Variants in UNC79 observed in about 807,000 individuals in gnomAD.
UNC79 encodes the protein unc-79 subunit of NALCN channel complex.
In UNC79, 37 loss-of-function variants were observed where a neutral mutation model predicts 283.1. That is an observed-to-expected ratio of 0.13 (90% confidence interval 0.10 to 0.17). UNC79 has a LOEUF of 0.17. UNC79 is among the 10% of genes least tolerant of loss of function. The pLI, the probability that UNC79 is intolerant of heterozygous loss-of-function variation, is 1.00. For synonymous variants in UNC79, 1,107 were observed against 1,200.2 expected (o/e 0.92, Z 1.61); for missense variants, 2,272 against 3,211.1 (o/e 0.71, Z 7.07).
chr14:93,551,388 C>G (rs1484949456), intron 14 of UNC79, among the ~76,000 whole-genome samples: 1 of 152,078 alleles, frequency 6.6e-6, no homozygotes, highest in Non-Finnish European at 1.5e-5. Context: ...GAATTGACAT[C>G]GGCGGTAGAG....
chr14:93,438,663 C>CT (rs61646513), intron 1 of UNC79, among the ~76,000 whole-genome samples: 10,560 of 141,646 alleles, frequency 0.075, 1,145 homozygotes, highest in African/African-American at 0.23. Flanking sequence ...CTTTTACGTT[C>CT]TTTTTTTTTT....
At chr14:93,361,489 C>T (rs371153799) in intron 1 of UNC79, among the ~76,000 whole-genome samples, 12 of 143,710 alleles carry the variant, frequency 8.4e-5, no homozygotes, top group East Asian at 4.0e-4. Flanking sequence ...ACAGCCTGGG[C>T]GACACAGTGA....
At chr14:93,370,758 C>G (rs149662045) in intron 1 of UNC79, among the ~76,000 whole-genome samples, 1 of 151,706 alleles carries the variant, frequency 6.6e-6, no homozygotes, top group Non-Finnish European at 1.5e-5. Context: ...GGCTACAGAG[C>G]GAGACCCTGT....
intron 46 of UNC79, among the ~76,000 whole-genome samples, chr14:93,692,719 T>C (rs1488296930): frequency 1.3e-5 from 2 of 152,184 alleles, no homozygotes; most frequent in East Asian, 3.9e-4. Context: ...CCAGAGCTCA[T>C]TGGAAAATGT....
intron 1 of UNC79, among the ~76,000 whole-genome samples, chr14:93,344,393 G>C (rs931016182): frequency 6.6e-6 from 1 of 152,188 alleles, no homozygotes; most frequent in Non-Finnish European, 1.5e-5. Context: ...ATAAAGAGAG[G>C]CCCAGAACTC....
chr14:93,597,638 A>G, intron 24 of UNC79, 98 bp downstream of exon 24: 5 of 1,269,376 alleles, frequency 3.9e-6, no homozygotes, highest in East Asian at 5.0e-5. Context: ...TTGACCTGCT[A>G]TAACAGAATA....
At chr14:93,622,149 C>A in exon 30 of UNC79, 1 of 1,614,172 alleles carries the variant, frequency 6.2e-7, no homozygotes. Context: ...CCTCTTCCCC[C>A]TCTCAGAATA....
chr14:93,467,469 T>C (rs966150758), intron 1 of UNC79, among the ~76,000 whole-genome samples: 1 of 151,610 alleles, frequency 6.6e-6, no homozygotes, highest in African/African-American at 2.4e-5. Flanking sequence ...TAAAAGAAAT[T>C]AAAAGTTTTT....
chr14:93,466,730 A>G, intron 1 of UNC79: 1 of 466,050 alleles, frequency 2.1e-6, no homozygotes, highest in Non-Finnish European at 2.8e-6. Context: ...TCCCTTAAAG[A>G]TTGAAAGGAC....
At chr14:93,334,159 T>G (rs184235962) in intron 1 of UNC79, among the ~76,000 whole-genome samples, 1 of 152,392 alleles carries the variant, frequency 6.6e-6, no homozygotes, top group Admixed American at 6.5e-5. Context: ...TGACCCTCCA[T>G]TATTTTATGC....
At chr14:93,492,990 G>C (rs540758371) in intron 5 of UNC79, among the ~76,000 whole-genome samples, 1 of 152,230 alleles carries the variant, frequency 6.6e-6, no homozygotes, top group South Asian at 2.1e-4. Flanking sequence ...CGTATGGTCG[G>C]GTTGAGAGGC....
chr14:93,604,638 T>C, intron 26 of UNC79, among the ~76,000 whole-genome samples: 1 of 152,370 alleles, frequency 6.6e-6, no homozygotes. Flanking sequence ...AAGTTTAGAA[T>C]ATAAAGTATA....
intron 14 of UNC79, among the ~76,000 whole-genome samples, chr14:93,552,725 G>C: frequency 6.6e-6 from 1 of 152,028 alleles, no homozygotes; most frequent in East Asian, 1.9e-4. Context: ...GGCTTTGCTG[G>C]AACTTTGTTT....
chr14:93,396,374 A>G (rs2054997826), intron 1 of UNC79, among the ~76,000 whole-genome samples: 1 of 152,142 alleles, frequency 6.6e-6, no homozygotes, highest in South Asian at 2.1e-4. Flanking sequence ...TATATTTAAA[A>G]TAGATTATTG....
chr14:93,450,543 G>A (rs1393918455), intron 1 of UNC79, among the ~76,000 whole-genome samples: 3 of 152,122 alleles, frequency 2.0e-5, no homozygotes, highest in Non-Finnish European at 4.4e-5. Context: ...TTGATTTGTA[G>A]TTTGTCTGAA....
exon 17 of UNC79, chr14:93,575,075 T>C: frequency 6.2e-7 from 1 of 1,612,926 alleles, no homozygotes; most frequent in Non-Finnish European, 8.5e-7. Context: ...CGGAGTTAGA[T>C]ATCATGGTTC....
chr14:93,575,307 A>G, intron 17 of UNC79, 109 bp downstream of exon 17: 1 of 1,379,988 alleles, frequency 7.2e-7, no homozygotes, highest in Non-Finnish European at 1.0e-6. Flanking sequence ...ATGTGTTTTC[A>G]GCCCATCTCG....
At chr14:93,479,216 C>CTTCCTTCCTTCCT (rs1250482507) in intron 4 of UNC79, among the ~76,000 whole-genome samples, 2 of 145,660 alleles carry the variant, frequency 1.4e-5, no homozygotes, top group Non-Finnish European at 1.5e-5. Context: ...TCCTTCCTTC[C>CTTCCTTCCTTCCT]TTCCTTCCTT....
At chr14:93,535,526 CAG>C (rs1165967974) in intron 11 of UNC79, among the ~76,000 whole-genome samples, 2 of 152,170 alleles carry the variant, frequency 1.3e-5, no homozygotes, top group African/African-American at 4.8e-5. Context: ...GAGATTCGGA[CAG>C]GGCATGATGG....
Sources: allele counts gnomAD v4.1 joint callset (sites outside exome capture counted in the v4.1 genomes callset), GRCh38; gene constraint gnomAD v4.1.1; transcripts MANE v1.5; gene names NCBI Gene and HGNC (gene_info 2026-07-23, HGNC 2026-07-21).